CNTNAP2: variants seen among roughly 807,000 people sequenced by gnomAD.
CNTNAP2 encodes contactin associated protein 2, also known as contactin-associated protein-like 2.
In CNTNAP2, 98 loss-of-function variants were observed where a neutral mutation model predicts 155.2. That is an observed-to-expected ratio of 0.63 (90% CI 0.54 to 0.75). The LOEUF is 0.75. CNTNAP2 is among the 30% of genes least tolerant of loss of function. The pLI is 0.00. For missense variants in CNTNAP2, 1,727 were observed against 1,688.1 expected (o/e 1.02, Z -0.40); for synonymous variants, 651 against 631.2 (o/e 1.03, Z -0.47).
chr7:146,643,003 G>GT (rs1239544044), intron 1 of CNTNAP2, among the ~76,000 whole-genome samples: 1 of 141,990 alleles, frequency 7.0e-6, no homozygotes, highest in Admixed American at 6.9e-5. Flanking sequence ...TTTTGATGGG[G>GT]TTTTTTGTTT....
chr7:148,344,252 C>T (rs1337362298), intron 21 of CNTNAP2, among the ~76,000 whole-genome samples: 1 of 152,086 alleles, frequency 6.6e-6, no homozygotes, highest in Non-Finnish European at 1.5e-5. Flanking sequence ...CAAATTCTGA[C>T]TTAGTTGATA....
chr7:146,482,520 G>A (rs978736871), intron 1 of CNTNAP2, among the ~76,000 whole-genome samples: 4 of 151,920 alleles, frequency 2.6e-5, no homozygotes, highest in East Asian at 1.9e-4. Flanking sequence ...CGAGGCTGGC[G>A]GATCATAAGG....
chr7:147,376,618 T>A (rs995719294), intron 9 of CNTNAP2, among the ~76,000 whole-genome samples: 1 of 151,982 alleles, frequency 6.6e-6, no homozygotes, highest in Non-Finnish European at 1.5e-5. Flanking sequence ...ATCAGTGAGT[T>A]CTCTGTGCTT....
chr7:147,101,086 G>A (rs1220576972), intron 4 of CNTNAP2, among the ~76,000 whole-genome samples: 1 of 152,110 alleles, frequency 6.6e-6, no homozygotes, highest in African/African-American at 2.4e-5. Flanking sequence ...CCGAGGAAAG[G>A]TGCTATGTGA....
rs751180832 is a variant in CNTNAP2, at chr7:147,449,471, G to A, written c.1671-36464G>A. On this transcript the variant is annotated intron_variant, in intron 10 of 23. Transcript: ENST00000361727. The stretch of plus-strand genomic sequence containing the variant: ...ACTATAATGGTTATCCTGGCAAGAC[G>A]GAGCTGATCCTCTCTCAGAAGTAGA... Among the ~76,000 whole-genome samples, 76 of 152,102 alleles carry A rather than the reference G, an allele frequency of 5.0e-4. No homozygotes were observed. In the Middle Eastern group the frequency reaches 0.01, roughly 20 times the overall value.
chr7:147,595,956 G>A (rs1029904323), intron 12 of CNTNAP2, among the ~76,000 whole-genome samples: 4 of 152,042 alleles, frequency 2.6e-5, no homozygotes, highest in Non-Finnish European at 5.9e-5. Context: ...TAAATGTTTT[G>A]TTTTTGTTTT....
chr7:147,321,966 T>A (rs1286935512), intron 9 of CNTNAP2, among the ~76,000 whole-genome samples: 1 of 152,186 alleles, frequency 6.6e-6, no homozygotes, highest in African/African-American at 2.4e-5. Flanking sequence ...CTTTGTTATA[T>A]GAGAGAATAT....
chr7:148,230,691 G>T (rs1008356356), intron 20 of CNTNAP2, among the ~76,000 whole-genome samples: 1 of 152,158 alleles, frequency 6.6e-6, no homozygotes, highest in African/African-American at 2.4e-5. Context: ...AACTTGATAT[G>T]GAGTTTGCGC....
At chr7:146,721,889 A>ATATATTTTTTTTT in intron 1 of CNTNAP2, among the ~76,000 whole-genome samples, 1 of 69,738 alleles carries the variant, frequency 1.4e-5, no homozygotes, top group African/African-American at 1.9e-4. Context: ...ATATATATAT[A>ATATATTTTTTTTT]TTTTTTTTTT....
intron 3 of CNTNAP2, among the ~76,000 whole-genome samples, chr7:147,004,588 A>T (rs1486882607): frequency 6.6e-6 from 1 of 152,052 alleles, no homozygotes; most frequent in Non-Finnish European, 1.5e-5. Flanking sequence ...TTAAAAGTCT[A>T]GGTTGGTACA....
intron 3 of CNTNAP2, among the ~76,000 whole-genome samples, chr7:147,012,565 A>T (rs1209996467): frequency 6.6e-6 from 1 of 152,142 alleles, no homozygotes; most frequent in African/African-American, 2.4e-5. Flanking sequence ...TGTGGTCACA[A>T]CTTGAAAGTA....
chr7:146,686,017 T>C (rs1800592400), intron 1 of CNTNAP2, among the ~76,000 whole-genome samples: 1 of 151,932 alleles, frequency 6.6e-6, no homozygotes, highest in East Asian at 1.9e-4. Flanking sequence ...ATATTCCAGG[T>C]GAGGCATGAT....
chr7:147,001,147 T>C (rs1465713873), intron 3 of CNTNAP2, among the ~76,000 whole-genome samples: 2 of 152,092 alleles, frequency 1.3e-5, no homozygotes, highest in Non-Finnish European at 2.9e-5. Flanking sequence ...AAAATGTCCG[T>C]TCTACCTTTT....
At chr7:148,341,285 AT>A (rs34289027) in intron 21 of CNTNAP2, among the ~76,000 whole-genome samples, 35,305 of 150,258 alleles carry the variant, frequency 0.23, 4,306 homozygotes, top group South Asian at 0.32. Flanking sequence ...TTTTTTTTTA[AT>A]TTTTTTTTTA....
intron 3 of CNTNAP2, among the ~76,000 whole-genome samples, chr7:146,996,660 G>A (rs527956000): frequency 6.6e-6 from 1 of 152,142 alleles, no homozygotes; most frequent in Admixed American, 6.6e-5. Context: ...TGCAAACAAG[G>A]ATACTTTAAC....
intron 3 of CNTNAP2, among the ~76,000 whole-genome samples, chr7:146,867,210 C>G (rs1795221439): frequency 6.6e-6 from 1 of 152,066 alleles, no homozygotes; most frequent in Non-Finnish European, 1.5e-5. Context: ...TCTGTTGTTT[C>G]CTTCCTTGTG....
At chr7:147,737,877 A>G (rs1009343175) in intron 13 of CNTNAP2, among the ~76,000 whole-genome samples, 1 of 152,184 alleles carries the variant, frequency 6.6e-6, no homozygotes, top group Non-Finnish European at 1.5e-5. Flanking sequence ...AAAGTACAAT[A>G]TTAGGGTGGG....
chr7:147,621,349 G>A (rs1794847802), intron 12 of CNTNAP2, among the ~76,000 whole-genome samples: 1 of 150,004 alleles, frequency 6.7e-6, no homozygotes, highest in Non-Finnish European at 1.5e-5. Context: ...TTATAACACA[G>A]TAACTGAGGT....
intron 1 of CNTNAP2, among the ~76,000 whole-genome samples, chr7:146,323,929 C>G (rs1280805716): frequency 6.6e-6 from 1 of 152,152 alleles, no homozygotes; most frequent in Non-Finnish European, 1.5e-5. Flanking sequence ...ATGTAATGGA[C>G]ATCCCTTTCT....
Sources: allele counts gnomAD v4.1 joint callset (sites outside exome capture counted in the v4.1 genomes callset), GRCh38; gene constraint gnomAD v4.1.1; transcripts MANE v1.5; gene names NCBI Gene and HGNC (gene_info 2026-07-23, HGNC 2026-07-21).